The following OR2J3 variants were observed in gnomAD, a reference collection of about 807,000 sequenced individuals.
OR2J3 encodes the protein olfactory receptor 2J3.
A neutral mutation model predicts 18.5 loss-of-function variants in OR2J3; 13 were observed. The observed-to-expected ratio is 0.70, with a 90% confidence interval of 0.46 to 1.12. The LOEUF (loss-of-function observed/expected upper bound fraction) is 1.12, where lower values mean the gene tolerates loss of function less well. Ranked by LOEUF, OR2J3 falls within the 50% of genes most tolerant of loss-of-function variation. The pLI is 0.00. For synonymous variants in OR2J3, 142 were observed against 140.6 expected (o/e 1.01, Z -0.07); for missense variants, 321 against 371.6 (o/e 0.86, Z 1.12).
rs1022923835 is a variant in OR2J3 at position 29,112,032 on chromosome 6, A to G, written c.142A>G (p.Ile48Val). 1.9e-6 allele frequency: 3 copies of G among 1,613,974 alleles called. No individual in the cohort carries two copies. The highest frequency in any genetic ancestry group is 1.7e-5 in the Admixed American group (1 of 59,988). The change falls in exon 4 of 4, where the codon ATC (isoleucine) becomes GTC (valine). Residue 48 changes from isoleucine (I) to valine (V), a missense_variant. Transcript: ENST00000641151. ...GATGACACTGATAGGAAACCTGTTC[A>G]TCATCATCCTGTCATACCTGGACTC... ...YLMTLIGNLF[I>V]IILSYLDSHL...
chr6:29,111,820 G>A (rs1762134101), intron 3 of OR2J3, 61 bp from the exon 4 acceptor site: 2 of 1,476,288 alleles, frequency 1.4e-6, no homozygotes, highest in African/African-American at 2.8e-5. Flanking sequence ...CATGTGTGCT[G>A]ATATTTTTGG....
At chr6:29,111,549 C>G (rs746163566) in intron 3 of OR2J3, 2 of 240,598 alleles carry the variant, frequency 8.3e-6, no homozygotes, top group Non-Finnish European at 1.6e-5. Flanking sequence ...TGTACATATT[C>G]TGTTCCCCAT....
chr6:29,112,123 C>T lies in OR2J3; in HGVS notation c.233C>T (p.Thr78Ile), dbSNP rs1273168396. The change falls in exon 4 of 4, where the codon ACC becomes ATC. Residue 78 changes from threonine (T) to isoleucine (I), a missense_variant. Physicochemically the swap from Thr to Ile is moderately conservative, Grantham distance 89 (BLOSUM62 -1). Coordinates refer to ENST00000641151, the MANE Select transcript of OR2J3 (RefSeq NM_001005216.4). ...TCATTTCTGGATCTCTGCTACACCACCAGCTCTATCCCTCAGTTGCTGGTC... is the reference window on the plus strand; with the variant it reads ...TCATTTCTGGATCTCTGCTACACCATCAGCTCTATCCCTCAGTTGCTGGTC... ...NLSFLDLCYT[T>I]SSIPQLLVNL... is the part of the protein sequence containing the mutation. 5.0e-6 allele frequency: 8 copies of T among 1,614,020 alleles called. No homozygotes were observed. The highest frequency in any genetic ancestry group is 6.8e-6 in the Non-Finnish European group (8 of 1,180,044).
rs1371111018 is a variant in OR2J3 at position 29,108,869 on chromosome 6, G to T, written c.-17G>T. On this transcript the variant is annotated 5_prime_UTR_variant, in exon 3 of 4. Transcript: ENST00000641151. ...AAAAATTCCTACCTTTTCCTTGCTT[G>T]CATCTGGTAAGTTTTTGTTTGTTTG... is the stretch of plus-strand genomic sequence containing the variant. 6.6e-6 allele frequency: 1 copy of T among 152,122 alleles called. No homozygotes were observed. 9.4% of individuals were successfully genotyped at this position (152,122 alleles called of 1,614,324 possible).
Position 29,108,274 on chromosome 6 carries a change from T to C in OR2J3, c.-202T>C, listed in dbSNP as rs952396329. 1 of 152,140 alleles carries C rather than the reference T, an allele frequency of 6.6e-6. No individual in the cohort carries two copies. Among genetic ancestry groups the C allele is most frequent in the Admixed American group, 6.5e-5 (1 of 15,268 alleles). The allele number at this position is 152,140 out of a possible 1,614,324, so 9.4% of individuals were successfully genotyped here. On this transcript the variant is annotated 5_prime_UTR_variant, in exon 1 of 4. Coordinates refer to ENST00000641151, the MANE Select transcript of OR2J3 (RefSeq NM_001005216.4). ...GGAAGGACAGAGTGAAAGGCATTGT[T>C]TGAGTACTGCTTAAGTACTAGGTAA... is the stretch of plus-strand genomic sequence containing the variant.
rs1202649009 is a variant in OR2J3 at position 29,114,374 on chromosome 6, T to C, written c.*1548T>C. The C allele has an allele frequency of 6.6e-6, 1 of 152,108 alleles. No homozygotes were observed. Among genetic ancestry groups the C allele is most frequent in the Non-Finnish European group, 1.5e-5 (1 of 68,020 alleles). 9.4% of individuals were successfully genotyped at this position (152,108 alleles called of 1,614,324 possible). ...AACATAACTTCGCCCTTTGAACTGT[T>C]TTCTACTATGGAAATCTTACGATTT... On this transcript the variant is annotated 3_prime_UTR_variant, in exon 4 of 4. Coordinates refer to ENST00000641151, the MANE Select transcript of OR2J3 (RefSeq NM_001005216.4).
chr6:29,112,447 C>T lies in OR2J3; in HGVS notation c.557C>T (p.Ala186Val), dbSNP rs750082580. ...GATCACTTTTTCTGTGAAGTTCCAG[C>T]ACTTCTGCGATTATCGTGTGTTGAT... ...QVDHFFCEVP[A>V]LLRLSCVDTH... The change falls in exon 4 of 4, where the codon GCA becomes GTA. Residue 186 changes from alanine to valine, a missense_variant. Ala to Val is a moderately conservative substitution (Grantham distance 64). Coordinates refer to ENST00000641151, the MANE Select transcript of OR2J3 (RefSeq NM_001005216.4). 3.7e-6 allele frequency: 6 copies of T among 1,613,956 alleles called. No individual in the cohort carries two copies. The African/African-American group carries it at 5.3e-5, about 14-fold the overall frequency.
In OR2J3 at chr6:29,112,655, C is replaced by T; in HGVS notation, c.765C>T (p.Phe255=). ...GAHLMAVSLF[F]IPAMCMYLQP... is the part of the protein sequence containing the mutation. ...ATCTTATGGCTGTATCTCTCTTTTT[C>T]ATTCCGGCCATGTGCATGTATCTCC... Residue 255 remains phenylalanine (F), a synonymous_variant, in exon 4 of 4, where the codon TTC becomes TTT. Coordinates refer to ENST00000641151, the MANE Select transcript of OR2J3 (RefSeq NM_001005216.4). The T allele has an allele frequency of 6.2e-7, 1 of 1,614,066 alleles. No individual in the cohort carries two copies. The highest frequency in any genetic ancestry group is 8.5e-7 in the Non-Finnish European group (1 of 1,179,996).
chr6:29,113,022 A>G lies in OR2J3; in HGVS notation c.*196A>G. 1 of 598,366 alleles carries G rather than the reference A, an allele frequency of 1.7e-6. No individual in the cohort carries two copies. The highest frequency in any genetic ancestry group is 2.6e-5 in the South Asian group (1 of 38,984). 37.1% of individuals were successfully genotyped at this position (598,366 alleles called of 1,614,324 possible). A position where few individuals can be genotyped will look rare whatever the true frequency, so the allele number is the denominator to read the frequency against. The stretch of plus-strand genomic sequence containing the variant: ...CAGCCTAAATACCATTCACTTGTGG[A>G]GAAAACAGCTATGTAAAATCAAGAT... On this transcript the variant is annotated 3_prime_UTR_variant, in exon 4 of 4. Transcript: ENST00000641151.
In OR2J3 at chr6:29,112,907, C is replaced by A. The variant is rs1762204818; in HGVS notation, c.*81C>A. 19 of 1,456,074 alleles carry A rather than the reference C, an allele frequency of 1.3e-5. No individual in the cohort carries two copies. In the South Asian group the frequency reaches 2.4e-4, roughly 18 times the overall value. The allele number at this position is 1,456,074 out of a possible 1,614,324, so 90.2% of individuals were successfully genotyped here. On this transcript the variant is annotated 3_prime_UTR_variant, in exon 4 of 4. Coordinates refer to ENST00000641151, the MANE Select transcript of OR2J3 (RefSeq NM_001005216.4). ...TCCTTCTATTTATTTATCAACCATT[C>A]TTTTATTCACTCACTCTGTTAGCAC... is the stretch of plus-strand genomic sequence containing the variant.
At chr6:29,111,812 T>A (rs1762133773) in intron 3 of OR2J3, 69 bp from the exon 4 acceptor site, 1 of 1,424,616 alleles carries the variant, frequency 7.0e-7, no homozygotes, top group Non-Finnish European at 9.5e-7. Flanking sequence ...TTTTTATTCA[T>A]GTGTGCTGAT....
Position 29,112,481 on chromosome 6 carries a change from C to G in OR2J3, c.591C>G (p.Val197=), listed in dbSNP as rs749039476. The G allele has an allele frequency of 5.0e-6, 8 of 1,614,012 alleles. No homozygotes were observed. The African/African-American group carries it at 9.3e-5, about 19-fold the overall frequency. ...LLRLSCVDTH[V]NELTLMITSS... is the part of the protein sequence containing the mutation. ...GATTATCGTGTGTTGATACCCATGT[C>G]AATGAGCTGACCCTCATGATCACAA... The change falls in exon 4 of 4, where the codon GTC becomes GTG. Residue 197 remains valine (V), a synonymous_variant. Coordinates refer to ENST00000641151, the MANE Select transcript of OR2J3 (RefSeq NM_001005216.4).
chr6:29,113,457 CCT>C lies in OR2J3; in HGVS notation c.*634_*635del, dbSNP rs1471286487. The C allele has an allele frequency of 6.6e-6, 1 of 151,992 alleles. No individual in the cohort carries two copies. The highest frequency in any genetic ancestry group is 2.4e-5 in the African/African-American group (1 of 41,336). 9.4% of individuals were successfully genotyped at this position (151,992 alleles called of 1,614,324 possible). On this transcript the variant is annotated 3_prime_UTR_variant, in exon 4 of 4. Coordinates refer to ENST00000641151, the MANE Select transcript of OR2J3 (RefSeq NM_001005216.4). Reference sequence around the variant, plus strand: ...ATAGCAGAAGTCAGCATCTGAGATCCCTCTTTTTTGCAAGGCAGTGAGAAATA... The same window carrying C: ...ATAGCAGAAGTCAGCATCTGAGATCCCTTTTTTGCAAGGCAGTGAGAAATA...
intron 3 of OR2J3, among the ~76,000 whole-genome samples, chr6:29,110,635 ATAGTTATTTTTC>A (rs1199258506): frequency 6.6e-6 from 1 of 152,132 alleles, no homozygotes. Context: ...TGAGAACTTG[ATAGTTATTTTTC>A]TATAATAAGG....
intron 3 of OR2J3, chr6:29,111,673 C>T: frequency 5.7e-6 from 3 of 523,634 alleles, no homozygotes; most frequent in Non-Finnish European, 9.9e-6. Flanking sequence ...CTTCACCATT[C>T]ATTTATTTAT....
rs3749977 is a variant in OR2J3 at position 29,112,567 on chromosome 6, G to A, written c.677G>A (p.Arg226Gln). The A allele has an allele frequency of 0.26, 418,123 of 1,613,344 alleles. 60,389 individuals are homozygous for A. The highest frequency in any genetic ancestry group is 0.56 in the African/African-American group (41,940 of 74,828). Reference protein sequence around the residue: ...LILTSYGAIVRAILRMQSTTG... With the variant: ...LILTSYGAIVQAILRMQSTTG... ...CTCACTTCTTATGGTGCCATCGTCC[G>A]AGCTATACTGAGGATGCAGTCAACC... is the stretch of plus-strand genomic sequence containing the variant. The change falls in exon 4 of 4, where the codon CGA becomes CAA. Residue 226 changes from arginine (R) to glutamine (Q), a missense_variant. Transcript: ENST00000641151.
Position 29,112,829 on chromosome 6 carries a change from C to T in OR2J3, c.*3C>T. ...AGAGACTAATGGGGTGGGAATGAGC[C>T]TGTGTATGTGTCATATTAACAATAT... On this transcript the variant is annotated 3_prime_UTR_variant, in exon 4 of 4. Transcript: ENST00000641151. 6.2e-7 allele frequency: 1 copy of T among 1,607,938 alleles called. No individual in the cohort carries two copies. The highest frequency in any genetic ancestry group is 8.5e-7 in the Non-Finnish European group (1 of 1,177,116).
At chr6:29,110,610 T>C (rs1190179973) in intron 3 of OR2J3, among the ~76,000 whole-genome samples, 2 of 152,138 alleles carry the variant, frequency 1.3e-5, no homozygotes, top group Non-Finnish European at 2.9e-5. Flanking sequence ...TACCTAGATG[T>C]CACCCTAAAA....
chr6:29,109,107 T>C (rs996803768), intron 3 of OR2J3, among the ~76,000 whole-genome samples: 2 of 152,338 alleles, frequency 1.3e-5, no homozygotes, highest in Admixed American at 1.3e-4. Context: ...TTATCTCCTA[T>C]TCTAGAGAAA....
Sources: allele counts gnomAD v4.1 joint callset (sites outside exome capture counted in the v4.1 genomes callset), GRCh38; gene constraint gnomAD v4.1.1; transcripts MANE v1.5; gene names NCBI Gene and HGNC (gene_info 2026-07-23, HGNC 2026-07-21).